The following ZNF543 variants were observed in gnomAD, a reference collection of about 807,000 sequenced individuals.
ZNF543 encodes the protein zinc finger protein 543.
A neutral mutation model predicts 13.4 loss-of-function variants in ZNF543; 10 were observed. That is an observed-to-expected ratio of 0.75 (90% CI 0.46 to 1.26). ZNF543 has a LOEUF of 1.26. Among genes scored for constraint, ZNF543 ranks in the 50% most tolerant of loss-of-function variants. ZNF543 has a pLI of 0.00. For missense variants in ZNF543, 768 were observed against 741.2 expected, an observed-to-expected ratio of 1.04 and a Z score of -0.42; for synonymous variants, 272 against 264.7, an observed-to-expected ratio of 1.03 and a Z score of -0.27.
At chr19:57,325,049 G>A (rs1388743068) in intron 2 of ZNF543, among the ~76,000 whole-genome samples, 1 of 152,152 alleles carries the variant, frequency 6.6e-6, no homozygotes, top group Non-Finnish European at 1.5e-5. Flanking sequence ...ATTGATTAAG[G>A]ACTTGGATTT....
intron 1 of ZNF543, 86 bp from the exon 2 acceptor site, chr19:57,323,596 G>A: frequency 1.3e-6 from 2 of 1,517,478 alleles, no homozygotes; most frequent in Non-Finnish European, 9.1e-7. Flanking sequence ...GGGTCACTGC[G>A]CATCTTTTGC....
At position 57,329,335 on chromosome 19, in the gene ZNF543, A is replaced by G. The variant is rs1011510232; in HGVS notation, c.*70A>G. ...TCATAAGCATCCTCTCTTTGAGAAAACGTGTAATAGATGATCATTTGTCGT... is the reference window on the plus strand; with the variant it reads ...TCATAAGCATCCTCTCTTTGAGAAAGCGTGTAATAGATGATCATTTGTCGT... On this transcript the variant is annotated 3_prime_UTR_variant, in exon 4 of 4. Coordinates refer to ENST00000321545, the MANE Select transcript of ZNF543 (RefSeq NM_213598.4). 6.6e-7 allele frequency: 1 copy of G among 1,511,886 alleles called. No homozygotes were observed. Among genetic ancestry groups the G allele is most frequent in the African/African-American group, 1.4e-5 (1 of 71,816 alleles). The allele number at this position is 1,511,886 out of a possible 1,614,324, so 93.7% of individuals were successfully genotyped here.
At position 57,328,896 on chromosome 19, in the gene ZNF543, C is replaced by G; in HGVS notation, c.1434C>G (p.Pro478=). ...TCAGCATCCACACTGGAGAGAAACC[C>G]TATGAGTGCGTGGAGTGTGGAAAGG... ...RHFSIHTGEK[P]YECVECGKAF... is the part of the protein sequence containing the mutation. Residue 478 remains proline (P), a synonymous_variant, in exon 4 of 4, where the codon CCC becomes CCG. Coordinates refer to ENST00000321545, the MANE Select transcript of ZNF543 (RefSeq NM_213598.4). 6.2e-7 allele frequency: 1 copy of G among 1,613,988 alleles called. No individual in the cohort carries two copies. The highest frequency in any genetic ancestry group is 8.5e-7 in the Non-Finnish European group (1 of 1,179,998).
chr19:57,325,491 T>G (rs768422761), intron 2 of ZNF543, among the ~76,000 whole-genome samples: 2 of 152,160 alleles, frequency 1.3e-5, no homozygotes, highest in African/African-American at 2.4e-5. Flanking sequence ...CTAATAAGCT[T>G]AGTGGTAAGG....
rs776482775 is a variant in ZNF543 at position 57,328,184 on chromosome 19, ATCT to A, written c.728_730del (p.Leu243del). ...GGGAAAACCTTTAGCAAGAGCACTC[ATCT>A]TCTTCAGCACCTCATCATCCACACT... On this transcript the variant is annotated inframe_deletion, in exon 4 of 4. Coordinates refer to ENST00000321545, the MANE Select transcript of ZNF543 (RefSeq NM_213598.4). The A allele has an allele frequency of 1.5e-5, 25 of 1,613,230 alleles. No homozygotes were observed. The highest frequency in any genetic ancestry group is 4.4e-5 in the South Asian group (4 of 91,010).
chr19:57,326,723 A>G lies in ZNF543; in HGVS notation c.236A>G (p.Tyr79Cys), dbSNP rs2088123162. The change falls in exon 3 of 4, where the codon TAT (tyrosine) becomes TGT (cysteine). Residue 79 changes from tyrosine to cysteine, a missense_variant. Physicochemically the swap from Tyr to Cys is radical, Grantham distance 194. Coordinates refer to ENST00000321545, the MANE Select transcript of ZNF543 (RefSeq NM_213598.4). Reference sequence around the variant, plus strand: ...ACAAAAGACCTCTCCCAAAGCTCCTATCCAGGTAGGAGCCAACAGCTGGGA... The same window carrying G: ...ACAAAAGACCTCTCCCAAAGCTCCTGTCCAGGTAGGAGCCAACAGCTGGGA... ...MATKDLSQSS[Y>C]PGDNTKPKTT... is the part of the protein sequence containing the mutation. 1.2e-6 allele frequency: 2 copies of G among 1,613,406 alleles called. No homozygotes were observed. Among genetic ancestry groups the G allele is most frequent in the Non-Finnish European group, 1.7e-6 (2 of 1,179,814 alleles).
rs769124676 is a variant in ZNF543 at position 57,329,037 on chromosome 19, C to T, written c.1575C>T (p.His525=). The part of the protein sequence containing the change: ...AFCRSANLIR[H]SIIHTGEKPY... ...GCCGGAGCGCAAACCTTATTCGACA[C>T]TCCATCATTCACACTGGAGAGAAGC... Residue 525 remains histidine (H), a synonymous_variant, in exon 4 of 4, where the codon CAC becomes CAT. Coordinates refer to ENST00000321545, the MANE Select transcript of ZNF543 (RefSeq NM_213598.4). The T allele has an allele frequency of 6.2e-7, 1 of 1,614,056 alleles. No homozygotes were observed. The highest frequency in any genetic ancestry group is 1.7e-5 in the Admixed American group (1 of 60,002).
intron 2 of ZNF543, among the ~76,000 whole-genome samples, chr19:57,324,982 T>C (rs1221679905): frequency 6.6e-6 from 1 of 152,240 alleles, no homozygotes; most frequent in Non-Finnish European, 1.5e-5. Flanking sequence ...AGTTACATTG[T>C]ATAAATATCA....
chr19:57,323,620 C>A, intron 1 of ZNF543, 62 bp from the exon 2 acceptor site: 3 of 1,594,984 alleles, frequency 1.9e-6, no homozygotes, highest in Non-Finnish European at 2.6e-6. Flanking sequence ...GCTGAAGTGA[C>A]AAGTTCTAGT....
At chr19:57,322,353 G>T (rs116178846) in intron 1 of ZNF543, among the ~76,000 whole-genome samples, 2,177 of 152,128 alleles carry the variant, frequency 0.014, 59 homozygotes, top group African/African-American at 0.05. Flanking sequence ...GCTCTGCCCA[G>T]GTCCATGAAA....
chr19:57,324,067 C>T (rs1190375215), intron 2 of ZNF543, among the ~76,000 whole-genome samples: 1 of 151,852 alleles, frequency 6.6e-6, no homozygotes, highest in Non-Finnish European at 1.5e-5. Flanking sequence ...ATAAAAAGGG[C>T]CAGGCCAGGC....
In ZNF543 at chr19:57,329,195, C is replaced by T; in HGVS notation, c.1733C>T (p.Ser578Leu). 2.5e-6 allele frequency: 4 copies of T among 1,613,930 alleles called. No homozygotes were observed. The highest frequency in any genetic ancestry group is 3.4e-6 in the Non-Finnish European group (4 of 1,179,906). ...VGRPFMTAQTSVNIQELLLGK... is the reference protein window; with the variant it reads ...VGRPFMTAQTLVNIQELLLGK... Reference sequence around the variant, plus strand: ...AGACCTTTTATGACTGCACAGACTTCAGTCAACATCCAGGAACTTTTATTA... The same window carrying T: ...AGACCTTTTATGACTGCACAGACTTTAGTCAACATCCAGGAACTTTTATTA... The change falls in exon 4 of 4, where the codon TCA (serine) becomes TTA (leucine). Residue 578 changes from serine (S) to leucine (L), a missense_variant. Physicochemically the swap from Ser to Leu is moderately radical, Grantham distance 145 (BLOSUM62 -2). Coordinates refer to ENST00000321545, the MANE Select transcript of ZNF543 (RefSeq NM_213598.4).
Position 57,327,880 on chromosome 19 carries a change from G to C in ZNF543, c.418G>C (p.Gly140Arg). 6.2e-7 allele frequency: 1 copy of C among 1,614,172 alleles called. No individual in the cohort carries two copies. Among genetic ancestry groups the C allele is most frequent in the African/African-American group, 1.3e-5 (1 of 75,038 alleles). The change falls in exon 4 of 4, where the codon GGC becomes CGC. Residue 140 changes from glycine (G) to arginine (R), a missense_variant. By Grantham distance (125) the Gly-to-Arg change is moderately radical (BLOSUM62 -2). Around this residue, in one of 3 missense-constraint regions of ZNF543, gnomAD observed 677 missense variants for 631.4 expected, o/e 1.07. Coordinates refer to ENST00000321545, the MANE Select transcript of ZNF543 (RefSeq NM_213598.4). ...MQEVHLKIGI[G>R]PQRGKLLEKM... Reference sequence around the variant, plus strand: ...AGAAGTCCACTTGAAAATAGGGATAGGCCCCCAGCGGGGGAAGCTGCTGGA... The same window carrying C: ...AGAAGTCCACTTGAAAATAGGGATACGCCCCCAGCGGGGGAAGCTGCTGGA...
rs765871454 is a variant in ZNF543, at chr19:57,326,604, C to G, written c.146-29C>G. The G allele has an allele frequency of 7.6e-6, 12 of 1,575,534 alleles. No individual in the cohort carries two copies. The South Asian group carries it at 1.2e-4, about 16-fold the overall frequency. Reference sequence around the variant, plus strand: ...GGTTTCTTTCTTCTAACCTAACTCCCTGTGTCCTCTTTTGTTCTCCATGCA... The same window carrying G: ...GGTTTCTTTCTTCTAACCTAACTCCGTGTGTCCTCTTTTGTTCTCCATGCA... On this transcript the variant is annotated intron_variant, in intron 2 of 3. Coordinates refer to ENST00000321545, the MANE Select transcript of ZNF543 (RefSeq NM_213598.4).
Position 57,328,992 on chromosome 19 carries a change from C to T in ZNF543, c.1530C>T (p.Ile510=). ...CTGGAGAGAAACCCTATGAATGCAT[C>T]CAGTGTGGGAAAGCCTTTTGCCGGA... is the stretch of plus-strand genomic sequence containing the variant. ...IHTGEKPYEC[I]QCGKAFCRSA... Residue 510 remains isoleucine, a synonymous_variant, in exon 4 of 4, where the codon ATC becomes ATT. Coordinates refer to ENST00000321545, the MANE Select transcript of ZNF543 (RefSeq NM_213598.4). The T allele has an allele frequency of 6.2e-7, 1 of 1,614,046 alleles. No homozygotes were observed. Among genetic ancestry groups the T allele is most frequent in the South Asian group, 1.1e-5 (1 of 91,080 alleles).
chr19:57,329,444 G>T lies in ZNF543; in HGVS notation c.*179G>T. 1 of 712,896 alleles carries T rather than the reference G, an allele frequency of 1.4e-6. No homozygotes were observed. Among genetic ancestry groups the T allele is most frequent in the Non-Finnish European group, 2.2e-6 (1 of 459,472 alleles). The allele number at this position is 712,896 out of a possible 1,614,324, so 44.2% of individuals were successfully genotyped here. On this transcript the variant is annotated 3_prime_UTR_variant, in exon 4 of 4. Coordinates refer to ENST00000321545, the MANE Select transcript of ZNF543 (RefSeq NM_213598.4). The stretch of plus-strand genomic sequence containing the variant: ...CACCCATGAGAGAGACCCAGTGGTT[G>T]CTATGCACTTAGGAAAACTTTCAGC...
At position 57,323,728 on chromosome 19, in the gene ZNF543, A is replaced by G; in HGVS notation, c.65A>G (p.Glu22Gly). ...GTGGCTGTGACATTCACCCAGGAGG[A>G]GTGGGGACAGTTGGATGCAGCCCAG... is the stretch of plus-strand genomic sequence containing the variant. ...EDVAVTFTQE[E>G]WGQLDAAQRT... Residue 22 changes from glutamate (E) to glycine (G), a missense_variant, in exon 2 of 4, where the codon GAG becomes GGG. By Grantham distance (98) the Glu-to-Gly change is moderately conservative. Around this residue, in one of 3 missense-constraint regions of ZNF543, gnomAD observed 77 missense variants for 75.5 expected, o/e 1.02. Transcript: ENST00000321545. The G allele has an allele frequency of 6.2e-7, 1 of 1,613,668 alleles. No individual in the cohort carries two copies. The highest frequency in any genetic ancestry group is 1.1e-5 in the South Asian group (1 of 91,076).
In ZNF543 at chr19:57,327,870, A is replaced by G. The variant is rs767994660; in HGVS notation, c.408A>G (p.Lys136=). 4 of 1,614,050 alleles carry G rather than the reference A, an allele frequency of 2.5e-6. No individual in the cohort carries two copies. Among genetic ancestry groups the G allele is most frequent in the Admixed American group, 3.3e-5 (2 of 60,002 alleles). ...CTGAAATGCAAGAAGTCCACTTGAAAATAGGGATAGGCCCCCAGCGGGGGA... is the reference window on the plus strand; with the variant it reads ...CTGAAATGCAAGAAGTCCACTTGAAGATAGGGATAGGCCCCCAGCGGGGGA... ...GPSEMQEVHL[K]IGIGPQRGKL... Residue 136 remains lysine (K), a synonymous_variant, in exon 4 of 4, where the codon AAA becomes AAG. Transcript: ENST00000321545.
chr19:57,328,509 C>T lies in ZNF543; in HGVS notation c.1047C>T (p.Asn349=), dbSNP rs1241423340. 1 of 1,614,084 alleles carries T rather than the reference C, an allele frequency of 6.2e-7. No individual in the cohort carries two copies. Among genetic ancestry groups the T allele is most frequent in the African/African-American group, 1.3e-5 (1 of 74,938 alleles). ...YECIECGKAF[N]RRSYLTWHQQ... The stretch of plus-strand genomic sequence containing the variant: ...GCATTGAGTGTGGGAAGGCCTTCAA[C>T]CGCCGGTCATACCTCACGTGGCACC... Residue 349 remains asparagine, a synonymous_variant, in exon 4 of 4, where the codon AAC becomes AAT. Transcript: ENST00000321545.
Sources: allele counts gnomAD v4.1 joint callset (sites outside exome capture counted in the v4.1 genomes callset), GRCh38; gene constraint gnomAD v4.1.1; regional missense constraint gnomAD v4.1.1; transcripts MANE v1.5; gene names NCBI Gene and HGNC (gene_info 2026-07-23, HGNC 2026-07-21).